The following CCDC178 variants were observed in gnomAD, a reference collection of about 807,000 sequenced individuals.
CCDC178 encodes coiled-coil domain-containing protein 178.
Under a neutral mutation model 117.4 loss-of-function variants are expected in CCDC178, and 126 were observed. The observed-to-expected ratio is 1.07, with a 90% CI of 0.93 to 1.24. CCDC178 has a LOEUF of 1.24. Ranked by LOEUF, CCDC178 falls within the 50% of genes most tolerant of loss-of-function variation. The probability of loss-of-function intolerance (pLI) is 0.00; values close to 1 mark genes in which losing one functional copy is unlikely to be tolerated. For missense variants in CCDC178, 1,030 were observed against 986.9 expected (o/e 1.04, Z -0.59); for synonymous variants, 283 against 313.4 (o/e 0.90, Z 1.02).
At chr18:33,098,480 T>C (rs1715203411) in intron 20 of CCDC178, among the ~76,000 whole-genome samples, 1 of 152,048 alleles carries the variant, frequency 6.6e-6, no homozygotes, top group African/African-American at 2.4e-5. Context: ...TAATCTTTTC[T>C]GATGATCTGT....
intron 21 of CCDC178, among the ~76,000 whole-genome samples, chr18:33,041,221 C>T (rs1221896852): frequency 2.0e-5 from 3 of 151,728 alleles, no homozygotes; most frequent in Non-Finnish European, 4.4e-5. Flanking sequence ...TAAACTGAGA[C>T]ATCTTATTGA....
rs905903862 is a variant in CCDC178 at position 33,390,063 on chromosome 18, T to C, written c.119-434A>G. ...ATCTTAATTATGTTAACTATTGATA[T>C]GTAGGATTTATTTCTAATTATAAAT... On this transcript the variant is annotated intron_variant, in intron 4 of 22. Transcript: ENST00000383096. Among the ~76,000 whole-genome samples the C allele has an allele frequency of 8.7e-5, 13 of 149,462 alleles. No homozygotes were observed. In the East Asian group the frequency reaches 1.6e-3, roughly 18 times the overall value.
In CCDC178 at chr18:33,432,478, TACACACACACACACAC is replaced by T. The variant is rs56111462; in HGVS notation, c.-23+7468_-23+7483del. ...ATATAATTCTCTCATGCCTTCTCCATACACACACACACACACACACACACACACACACACACACACA... is the reference window on the plus strand; with the variant it reads ...ATATAATTCTCTCATGCCTTCTCCATACACACACACACACACACACACACA... On this transcript the variant is annotated intron_variant, in intron 2 of 22. Transcript: ENST00000383096. 4.5e-3 allele frequency among the ~76,000 whole-genome samples: 652 copies of T among 143,406 alleles called. 4 individuals are homozygous for T. Among genetic ancestry groups the T allele is most frequent in the African/African-American group, 0.015 (587 of 38,520 alleles). The allele number at this position is 143,406 out of a possible 152,430, so 94.1% of individuals were successfully genotyped here.
At chr18:32,938,302 A>G (rs910732922) in intron 22 of CCDC178, 8 of 488,804 alleles carry the variant, frequency 1.6e-5, no homozygotes, top group Non-Finnish European at 2.9e-5. Context: ...TTAAAGTCCA[A>G]CTAACTTTAA....
chr18:33,249,759 T>C (rs1264050688), intron 14 of CCDC178, among the ~76,000 whole-genome samples: 1 of 152,098 alleles, frequency 6.6e-6, no homozygotes, highest in Non-Finnish European at 1.5e-5. Flanking sequence ...GGGCTCTTTT[T>C]TGGTTCCATA....
At chr18:33,151,613 C>T (rs1182442495) in intron 20 of CCDC178, among the ~76,000 whole-genome samples, 1 of 152,092 alleles carries the variant, frequency 6.6e-6, no homozygotes, top group African/African-American at 2.4e-5. Flanking sequence ...AAGGCATCAT[C>T]CAAAAAGTAA....
At chr18:33,140,216 G>C (rs2058184047) in intron 20 of CCDC178, among the ~76,000 whole-genome samples, 3 of 152,286 alleles carry the variant, frequency 2.0e-5, no homozygotes, top group East Asian at 1.9e-4. Context: ...GCCTCTGCTA[G>C]AGCAGTGCAG....
At chr18:33,172,679 C>A (rs1450198705) in intron 20 of CCDC178, among the ~76,000 whole-genome samples, 2 of 151,980 alleles carry the variant, frequency 1.3e-5, no homozygotes. Flanking sequence ...TGCTTATCTT[C>A]GTTCAACTGT....
chr18:33,112,200 A>C (rs977312619), intron 20 of CCDC178, among the ~76,000 whole-genome samples: 1 of 151,812 alleles, frequency 6.6e-6, no homozygotes, highest in Non-Finnish European at 1.5e-5. Flanking sequence ...TTTATTCTAA[A>C]CAAAGCTCCG....
chr18:33,366,204 C>T (rs551931968), intron 6 of CCDC178, among the ~76,000 whole-genome samples: 2 of 151,976 alleles, frequency 1.3e-5, no homozygotes, highest in Non-Finnish European at 2.9e-5. Flanking sequence ...GTAGCTCATG[C>T]CTGTAATCCT....
At chr18:33,433,096 C>T (rs1047798914) in intron 2 of CCDC178, among the ~76,000 whole-genome samples, 3 of 152,122 alleles carry the variant, frequency 2.0e-5, no homozygotes, top group Middle Eastern at 3.4e-3. Context: ...TTTTATAAAC[C>T]TTGTAGGGTT....
chr18:32,976,141 T>C (rs77070450), intron 21 of CCDC178, among the ~76,000 whole-genome samples: 1,627 of 152,272 alleles, frequency 0.011, 9 homozygotes, highest in Non-Finnish European at 0.016. Flanking sequence ...CCAGAACCAG[T>C]TTATGGGCAT....
chr18:33,317,201 G>C (rs1324452034), intron 11 of CCDC178, among the ~76,000 whole-genome samples: 1 of 152,062 alleles, frequency 6.6e-6, no homozygotes, highest in African/African-American at 2.4e-5. Context: ...TTTATGAGCT[G>C]TAACACTCCC....
intron 14 of CCDC178, among the ~76,000 whole-genome samples, chr18:33,261,859 T>C (rs67203039): frequency 0.067 from 10,239 of 152,134 alleles, 510 homozygotes; most frequent in African/African-American, 0.14. Context: ...TTGACATATC[T>C]CTCTATTCAT....
At chr18:33,116,291 A>G (rs1198211812) in intron 20 of CCDC178, among the ~76,000 whole-genome samples, 1 of 152,160 alleles carries the variant, frequency 6.6e-6, no homozygotes, top group Non-Finnish European at 1.5e-5. Context: ...TTTGGAAGGA[A>G]AACCAAGGTT....
At chr18:33,021,417 G>A in intron 21 of CCDC178, among the ~76,000 whole-genome samples, 1 of 152,066 alleles carries the variant, frequency 6.6e-6, no homozygotes, top group East Asian at 1.9e-4. Flanking sequence ...AAAATAACAG[G>A]CCAGGCATGG....
intron 2 of CCDC178, among the ~76,000 whole-genome samples, chr18:33,418,350 A>G (rs2063974842): frequency 6.6e-6 from 1 of 152,144 alleles, no homozygotes; most frequent in Non-Finnish European, 1.5e-5. Flanking sequence ...AAATAATAAG[A>G]GCCATCTAAT....
At chr18:33,221,744 A>G (rs771793153) in intron 18 of CCDC178, among the ~76,000 whole-genome samples, 1 of 152,094 alleles carries the variant, frequency 6.6e-6, no homozygotes, top group Non-Finnish European at 1.5e-5. Context: ...CTGGCAAAAC[A>G]GAGTATCATT....
chr18:33,300,718 G>C (rs796920081), intron 11 of CCDC178, among the ~76,000 whole-genome samples: 5 of 152,314 alleles, frequency 3.3e-5, no homozygotes, highest in African/African-American at 1.2e-4. Flanking sequence ...AGAGTATATG[G>C]CAGAAGAAAT....
Sources: gnomAD v4.1 joint callset for allele counts (sites outside exome capture counted in the v4.1 genomes callset) on GRCh38, gnomAD v4.1.1 for gene constraint, MANE v1.5 for transcripts, NCBI Gene and HGNC (gene_info 2026-07-23, HGNC 2026-07-21) for gene names.